CARHSP1: variants seen among roughly 807,000 people sequenced by gnomAD.
The protein encoded by CARHSP1 is calcium regulated heat stable protein 1, also known as calcium-regulated heat-stable protein 1.
CARHSP1 carries 14 observed loss-of-function variants against 12.5 expected under a neutral mutation model. That is an observed-to-expected ratio of 1.12 (90% CI 0.74 to 1.75). The LOEUF (loss-of-function observed/expected upper bound fraction) is 1.75. Ranked by LOEUF, CARHSP1 falls within the 40% of genes most tolerant of loss-of-function variation. CARHSP1 has a pLI of 0.00. For missense variants in CARHSP1, 343 were observed against 201.6 expected (o/e 1.70, Z -4.25); for synonymous variants, 161 against 82.0 (o/e 1.96, Z -5.20).
chr16:8,863,181 G>A (rs933148117), intron 1 of CARHSP1, among the ~76,000 whole-genome samples: 4 of 142,716 alleles, frequency 2.8e-5, no homozygotes, highest in Admixed American at 7.4e-5. Context: ...ATGCAGTGGC[G>A]CGATCATGGC....
At chr16:8,861,508 C>T in intron 1 of CARHSP1, 1 of 924,332 alleles carries the variant, frequency 1.1e-6, no homozygotes, top group African/African-American at 1.7e-5. Flanking sequence ...CATAGCCACC[C>T]AAGAACCAGG....
At chr16:8,855,419 A>G in intron 3 of CARHSP1, 93 bp from the exon 4 acceptor site, 2 of 1,199,164 alleles carry the variant, frequency 1.7e-6, no homozygotes, top group Non-Finnish European at 2.2e-6. Flanking sequence ...CACAGCCACC[A>G]AAGCAGGCAC....
At chr16:8,862,014 T>TTTTTTTC (rs1239063551) in intron 1 of CARHSP1, among the ~76,000 whole-genome samples, 1 of 132,192 alleles carries the variant, frequency 7.6e-6, no homozygotes, top group East Asian at 2.0e-4. Context: ...TTTTTTTTTT[T>TTTTTTTC]TTTAATTTGA....
Position 8,855,092 on chromosome 16 carries a change from T to C in CARHSP1, c.*72A>G. ...CCCCGTCTCGTGTGGAAGAATGTCA[T>C]CTCCAGTGTCTGCTGCCTCCTCCCT... On this transcript the variant is annotated 3_prime_UTR_variant, in exon 4 of 4. Transcript: ENST00000311052. The C allele has an allele frequency of 3.1e-6, 4 of 1,300,648 alleles. No homozygotes were observed. The highest frequency in any genetic ancestry group is 3.1e-6 in the Non-Finnish European group (3 of 974,878). 80.6% of individuals were successfully genotyped at this position (1,300,648 alleles called of 1,614,324 possible).
At chr16:8,858,502 C>T in intron 2 of CARHSP1, 30 bp from the exon 3 acceptor site, 1 of 1,609,628 alleles carries the variant, frequency 6.2e-7, no homozygotes, top group South Asian at 1.1e-5. Context: ...GTCAGGGGCC[C>T]CATCAGCGCT....
chr16:8,858,164 T>C, intron 3 of CARHSP1, 186 bp downstream of exon 3: 1 of 658,038 alleles, frequency 1.5e-6, no homozygotes, highest in Admixed American at 3.0e-5. Context: ...CTCCGTAGAG[T>C]CTCACAACCC....
At chr16:8,857,195 A>C (rs1023465644) in intron 3 of CARHSP1, among the ~76,000 whole-genome samples, 4 of 146,718 alleles carry the variant, frequency 2.7e-5, no homozygotes, top group African/African-American at 1.0e-4. Context: ...CCTGTCTCCC[A>C]CAAGCATAGT....
chr16:8,858,731 T>G (rs1266137605), intron 2 of CARHSP1: 1 of 505,250 alleles, frequency 2.0e-6, no homozygotes, highest in Non-Finnish European at 3.5e-6. Context: ...AACTAAAACA[T>G]CACTGAACAT....
At position 8,859,147 on chromosome 16, in the gene CARHSP1, G is replaced by A. The variant is rs201732027; in HGVS notation, c.158+24C>T. 462 of 1,564,802 alleles carry A rather than the reference G, an allele frequency of 3.0e-4. 1 individual carries two copies. The highest frequency in any genetic ancestry group is 8.7e-4 in the Middle Eastern group (5 of 5,758). ...AGGCAAGAGATCCATCTGAGAACGC[G>A]TCCCCAGCCTGCTCCAGACTCACGC... On this transcript the variant is annotated intron_variant, in intron 2 of 3. Coordinates refer to ENST00000311052, the MANE Select transcript of CARHSP1 (RefSeq NM_014316.4).
Position 8,860,372 on chromosome 16 carries a change from C to T in CARHSP1, c.-7-1037G>A, listed in dbSNP as rs116473155. 1,637 of 985,410 alleles carry T rather than the reference C, an allele frequency of 1.7e-3. 35 individuals carry two copies. The African/African-American group carries it at 0.026, about 16-fold the overall frequency. The allele number at this position is 985,410 out of a possible 1,614,324, so 61.0% of individuals were successfully genotyped here. ...TGTACCGGTAAATCCAGCTGGAGGG[C>T]GGGAATTCCCTAGCTGCTGCTGTGC... On this transcript the variant is annotated intron_variant, in intron 1 of 3. Transcript: ENST00000311052.
intron 3 of CARHSP1, 131 bp from the exon 4 acceptor site, chr16:8,855,457 T>C: frequency 1.4e-6 from 1 of 718,830 alleles, no homozygotes; most frequent in South Asian, 3.2e-5. Flanking sequence ...GGAACCTCTT[T>C]CCAAAGAACT....
chr16:8,861,737 A>T, intron 1 of CARHSP1: 11 of 1,286,962 alleles, frequency 8.5e-6, no homozygotes, highest in Non-Finnish European at 1.1e-5. Flanking sequence ...CCCACCTCAA[A>T]AAGGCCCCAG....
intron 2 of CARHSP1, chr16:8,858,926 T>C (rs889475101): frequency 4.1e-5 from 19 of 459,730 alleles, no homozygotes; most frequent in African/African-American, 2.9e-4. Context: ...GCCCAGCGAT[T>C]CTGACCCCAG....
chr16:8,861,757 TG>T (rs1175311648), intron 1 of CARHSP1: 1 of 1,283,344 alleles, frequency 7.8e-7, no homozygotes, highest in African/African-American at 1.5e-5. Flanking sequence ...GCTGCTGGCC[TG>T]GGGGCCAGGG....
chr16:8,866,509 G>A (rs1293147623), intron 1 of CARHSP1: 3 of 982,182 alleles, frequency 3.1e-6, no homozygotes, highest in Non-Finnish European at 3.6e-6. Context: ...GCCCCAGCCT[G>A]GGAGAACTGC....
intron 1 of CARHSP1, chr16:8,861,886 G>T: frequency 9.4e-7 from 1 of 1,062,596 alleles, no homozygotes; most frequent in Non-Finnish European, 1.2e-6. Flanking sequence ...CAGGACAGCA[G>T]ATGGGAGCAG....
At chr16:8,861,753 G>C (rs769556543) in intron 1 of CARHSP1, 6 of 1,284,030 alleles carry the variant, frequency 4.7e-6, no homozygotes, top group Non-Finnish European at 6.1e-6. Flanking sequence ...CCCAGCTGCT[G>C]GCCTGGGGGC....
chr16:8,858,667 A>G (rs3743802), intron 2 of CARHSP1, 195 bp from the exon 3 acceptor site: 306,685 of 636,938 alleles, frequency 0.48, 76,325 homozygotes, highest in Non-Finnish European at 0.51. Context: ...GACTCTTTGG[A>G]TGACCCTGGC....
chr16:8,860,354 G>T, intron 1 of CARHSP1: 2 of 985,456 alleles, frequency 2.0e-6, no homozygotes, highest in Non-Finnish European at 1.2e-6. Context: ...GTATGTACCG[G>T]TAAATCCAGC....
Sources: gnomAD v4.1 joint callset for allele counts (sites outside exome capture counted in the v4.1 genomes callset) on GRCh38, gnomAD v4.1.1 for gene constraint, MANE v1.5 for transcripts, NCBI Gene and HGNC (gene_info 2026-07-23, HGNC 2026-07-21) for gene names.